EDEM1: variants seen among roughly 807,000 people sequenced by gnomAD.
EDEM1 encodes the protein ER degradation-enhancing alpha-mannosidase-like protein 1.
A neutral mutation model predicts 74.4 loss-of-function variants in EDEM1; 67 were observed. That is an observed-to-expected ratio of 0.90 (90% CI 0.74 to 1.10). The LOEUF (loss-of-function observed/expected upper bound fraction) is 1.10, where lower values mean the gene tolerates loss of function less well. Ranked by LOEUF, EDEM1 falls within the 50% of genes least tolerant of loss-of-function variation. The pLI is 0.00. For missense variants in EDEM1, 926 were observed against 851.6 expected (o/e 1.09, Z -1.09); for synonymous variants, 382 against 335.9 (o/e 1.14, Z -1.50).
At chr3:5,208,825 C>T (rs769588684) in intron 8 of EDEM1, among the ~76,000 whole-genome samples, 1 of 151,408 alleles carries the variant, frequency 6.6e-6, no homozygotes, top group Non-Finnish European at 1.5e-5. Context: ...TGTGAAATTA[C>T]TTCAGTGGTA....
At chr3:5,193,039 A>G (rs2054919889) in intron 1 of EDEM1, among the ~76,000 whole-genome samples, 1 of 152,158 alleles carries the variant, frequency 6.6e-6, no homozygotes, top group Non-Finnish European at 1.5e-5. Context: ...ACAATAAAAC[A>G]TAGAAAGGAG....
intron 4 of EDEM1, among the ~76,000 whole-genome samples, chr3:5,202,399 A>C (rs2106597133): frequency 6.6e-6 from 1 of 152,360 alleles, no homozygotes; most frequent in Non-Finnish European, 1.5e-5. Flanking sequence ...TTTAAATGCC[A>C]GGATCTGGAA....
At chr3:5,192,538 C>T (rs1341716093) in intron 1 of EDEM1, among the ~76,000 whole-genome samples, 1 of 152,150 alleles carries the variant, frequency 6.6e-6, no homozygotes, top group Non-Finnish European at 1.5e-5. Context: ...GTAAGTGGAG[C>T]GTTTAGTTGT....
At position 5,187,908 on chromosome 3, in the gene EDEM1, C is replaced by T. The variant is rs1176395056; in HGVS notation, c.103C>T (p.Gln35Ter). 1.3e-6 allele frequency: 2 copies of T among 1,598,646 alleles called. No individual in the cohort carries two copies. Among genetic ancestry groups the T allele is most frequent in the Non-Finnish European group, 1.7e-6 (2 of 1,174,838 alleles). Residue 35 changes from glutamine to a stop codon, truncating the protein, a stop_gained, in exon 1 of 12, where the codon CAG (glutamine) becomes TAG (stop). Transcript: ENST00000256497. LOFTEE classifies it high-confidence loss of function. ...GCTGGGGCCCAGCATGGGCTTCTACCAGCGCTTTCCGCTCAGCTTCGGCTT... is the reference window on the plus strand; with the variant it reads ...GCTGGGGCCCAGCATGGGCTTCTACTAGCGCTTTCCGCTCAGCTTCGGCTT... ...FGLGPSMGFY[Q>*]RFPLSFGFQR...
At chr3:5,197,828 C>G (rs1325244435) in intron 2 of EDEM1, among the ~76,000 whole-genome samples, 1 of 152,194 alleles carries the variant, frequency 6.6e-6, no homozygotes, top group East Asian at 1.9e-4. Flanking sequence ...AATGTCTGTA[C>G]TTACTCTGTA....
At position 5,211,105 on chromosome 3, in the gene EDEM1, A is replaced by G. The variant is rs1046898196; in HGVS notation, c.1584-15A>G. The G allele has an allele frequency of 6.2e-7, 1 of 1,613,494 alleles. No individual in the cohort carries two copies. Among genetic ancestry groups the G allele is most frequent in the Admixed American group, 1.7e-5 (1 of 60,016 alleles). ...AAGGAAGAGAGGCAGGACTGACCAG[A>G]TGATTGTTTTGTAGGTGTGGGTACG... On this transcript the variant is annotated splice_polypyrimidine_tract_variant and intron_variant, in intron 9 of 11. Transcript: ENST00000256497.
chr3:5,208,336 A>G, intron 8 of EDEM1, 73 bp downstream of exon 8: 1 of 1,524,406 alleles, frequency 6.6e-7, no homozygotes, highest in Non-Finnish European at 8.9e-7. Context: ...CTTAATGAAC[A>G]TTTGCTGAGT....
chr3:5,199,772 C>G (rs2055012870), intron 3 of EDEM1, 77 bp downstream of exon 3: 3 of 1,209,418 alleles, frequency 2.5e-6, no homozygotes, highest in Admixed American at 4.5e-5. Context: ...CTTTGAGGGT[C>G]TTTTTGCCAC....
chr3:5,203,430 T>C (rs1004756570), intron 5 of EDEM1, among the ~76,000 whole-genome samples: 1 of 152,240 alleles, frequency 6.6e-6, no homozygotes, highest in African/African-American at 2.4e-5. Flanking sequence ...TAAAAAGAAC[T>C]GCCTCTGAGG....
Position 5,188,078 on chromosome 3 carries a change from G to A in EDEM1, c.273G>A (p.Gly91=), listed in dbSNP as rs545021317. The A allele has an allele frequency of 1.5e-4, 230 of 1,485,732 alleles. No individual in the cohort carries two copies. The African/African-American group carries it at 2.7e-3, about 17-fold the overall frequency. The allele number at this position is 1,485,732 out of a possible 1,614,324, so 92.0% of individuals were successfully genotyped here. A position where few individuals can be genotyped will look rare whatever the true frequency, so the allele number is the denominator to read the frequency against. Residue 91 remains glycine, a synonymous_variant, in exon 1 of 12, where the codon GGG becomes GGA. Coordinates refer to ENST00000256497, the MANE Select transcript of EDEM1 (RefSeq NM_014674.3). ...CGCGCAAGGCTCCGCGGCGTCCTGG[G>A]CCGGGGATGTGCGGCCCAGCCAACT... is the stretch of plus-strand genomic sequence containing the variant. ...QSPRKAPRRP[G]PGMCGPANWG... is the part of the protein sequence containing the mutation.
rs763979874 is a variant in EDEM1, at chr3:5,202,962, C to T, written c.859-4C>T. 1 of 1,612,960 alleles carries T rather than the reference C, an allele frequency of 6.2e-7. No homozygotes were observed. The highest frequency in any genetic ancestry group is 2.2e-5 in the East Asian group (1 of 44,730). ...TCACAGTCTTTGTCTGTTCCCATCC[C>T]CAGGTGAATCTAAAGACAGGAGTTC... On this transcript the variant is annotated splice_region_variant and splice_polypyrimidine_tract_variant and intron_variant, in intron 4 of 11. Transcript: ENST00000256497.
At chr3:5,214,875 G>C (rs2055212738) in intron 11 of EDEM1, among the ~76,000 whole-genome samples, 1 of 152,224 alleles carries the variant, frequency 6.6e-6, no homozygotes, top group Admixed American at 6.5e-5. Context: ...GCATGGCCTA[G>C]TGGGGAATCC....
Position 5,201,751 on chromosome 3 carries a change from A to C in EDEM1, c.687-2A>C. 1 of 1,614,036 alleles carries C rather than the reference A, an allele frequency of 6.2e-7. No individual in the cohort carries two copies. Among genetic ancestry groups the C allele is most frequent in the Non-Finnish European group, 8.5e-7 (1 of 1,179,988 alleles). ...TTATCTTTTTGTTCTTCCTGTCATT[A>C]GGGTCCTGGGAAGCCTCCTTTCTGC... On this transcript the variant is annotated splice_acceptor_variant, in intron 3 of 11. Transcript: ENST00000256497. LOFTEE classifies it high-confidence loss of function.
chr3:5,206,988 AT>A (rs1169181133), intron 6 of EDEM1, among the ~76,000 whole-genome samples, 164 bp from the exon 7 acceptor site: 5 of 152,244 alleles, frequency 3.3e-5, no homozygotes, highest in Admixed American at 1.3e-4. Context: ...CTAGAGTCTA[AT>A]GTAGATAATT....
chr3:5,190,054 A>G (rs550598428), intron 1 of EDEM1, among the ~76,000 whole-genome samples: 7 of 150,608 alleles, frequency 4.6e-5, no homozygotes, highest in Admixed American at 3.3e-4. Flanking sequence ...GTCAGCCTAC[A>G]TCATGCTTTG....
intron 5 of EDEM1, among the ~76,000 whole-genome samples, chr3:5,204,501 C>T (rs953949809): frequency 6.6e-6 from 1 of 152,090 alleles, no homozygotes; most frequent in Middle Eastern, 3.2e-3. Context: ...AGTGAACCCC[C>T]CATCTCAGCC....
intron 5 of EDEM1, among the ~76,000 whole-genome samples, chr3:5,203,721 A>C (rs755586338): frequency 5.9e-5 from 9 of 152,130 alleles, no homozygotes; most frequent in Non-Finnish European, 1.0e-4. Flanking sequence ...TTGCTAACTC[A>C]AGGTGTTATT....
At chr3:5,212,634 A>G (rs559621484) in intron 10 of EDEM1, among the ~76,000 whole-genome samples, 9 of 152,340 alleles carry the variant, frequency 5.9e-5, no homozygotes, top group African/African-American at 2.2e-4. Flanking sequence ...TTAGGTGACC[A>G]ATAAAGTTTC....
rs61743395 is a variant in EDEM1 at position 5,213,406 on chromosome 3, C to T, written c.1768C>T (p.Leu590Phe). Residue 590 changes from leucine (L) to phenylalanine (F), a missense_variant, in exon 11 of 12, where the codon CTT becomes TTT. By Grantham distance (22) the Leu-to-Phe change is conservative. Coordinates refer to ENST00000256497, the MANE Select transcript of EDEM1 (RefSeq NM_014674.3). ...ACACATTGTATCTGTGGATGAGCAT[C>T]TTCGGGAATTGCCATGGAAGGAATT... ...EGHIVSVDEH[L>F]RELPWKEFFS... 1.9e-6 allele frequency: 3 copies of T among 1,614,028 alleles called. No individual in the cohort carries two copies. The highest frequency in any genetic ancestry group is 2.5e-6 in the Non-Finnish European group (3 of 1,180,040).
Sources: allele counts gnomAD v4.1 joint callset (sites outside exome capture counted in the v4.1 genomes callset), GRCh38; gene constraint gnomAD v4.1.1; transcripts MANE v1.5; gene names NCBI Gene and HGNC (gene_info 2026-07-23, HGNC 2026-07-21).